CACNA2D3: variants seen among roughly 807,000 people sequenced by gnomAD.
CACNA2D3 encodes the protein voltage-dependent calcium channel subunit alpha-2/delta-3.
CACNA2D3 carries 60 observed loss-of-function variants against 160.6 expected under a neutral mutation model. That is an observed-to-expected ratio of 0.37 (90% CI 0.30 to 0.46). The LOEUF (loss-of-function observed/expected upper bound fraction) is 0.46. Among genes scored for constraint, CACNA2D3 ranks in the 20% least tolerant of loss-of-function variants. The pLI is 1.00. For missense variants in CACNA2D3, 1,205 were observed against 1,365.0 expected, an observed-to-expected ratio of 0.88 and a Z score of 1.85; for synonymous variants, 558 against 492.9, an observed-to-expected ratio of 1.13 and a Z score of -1.75.
intron 13 of CACNA2D3, among the ~76,000 whole-genome samples, chr3:54,812,684 G>A (rs1164884544): frequency 6.6e-6 from 1 of 152,160 alleles, no homozygotes; most frequent in Non-Finnish European, 1.5e-5. Context: ...AGTCCTTTGG[G>A]GGTGTAGGTT....
intron 13 of CACNA2D3, among the ~76,000 whole-genome samples, chr3:54,803,352 G>C (rs1703040170): frequency 6.6e-6 from 1 of 152,176 alleles, no homozygotes; most frequent in South Asian, 2.1e-4. Context: ...AACCAATACA[G>C]AGAAGTGCTT....
chr3:54,789,843 G>A (rs748244996), intron 13 of CACNA2D3: 1 of 517,324 alleles, frequency 1.9e-6, no homozygotes, highest in Admixed American at 1.9e-5. Flanking sequence ...ATGAGCTGGG[G>A]CTTGAGGGAT....
chr3:54,204,988 T>A (rs535838027), intron 2 of CACNA2D3, among the ~76,000 whole-genome samples: 1 of 151,986 alleles, frequency 6.6e-6, no homozygotes, highest in South Asian at 2.1e-4. Flanking sequence ...TGAAAAGTGA[T>A]TGCCATTATA....
intron 4 of CACNA2D3, among the ~76,000 whole-genome samples, chr3:54,400,497 C>T (rs1699437135): frequency 6.6e-6 from 1 of 152,126 alleles, no homozygotes; most frequent in Admixed American, 6.5e-5. Flanking sequence ...TCATCTAAGA[C>T]TCACCATTGT....
intron 14 of CACNA2D3, among the ~76,000 whole-genome samples, chr3:54,835,594 C>T (rs1559599662): frequency 1.3e-5 from 2 of 152,204 alleles, no homozygotes; most frequent in Admixed American, 6.5e-5. Context: ...TATAATGCCT[C>T]TTTCCAAGTA....
At chr3:54,876,389 T>C (rs981481107) in intron 18 of CACNA2D3, 1 of 152,160 alleles carries the variant, frequency 6.6e-6, no homozygotes, top group Non-Finnish European at 1.5e-5. Flanking sequence ...TATTAAGTCA[T>C]CAAACTCCCT....
intron 17 of CACNA2D3, among the ~76,000 whole-genome samples, chr3:54,863,823 A>T (rs889147606): frequency 3.3e-5 from 5 of 152,204 alleles, no homozygotes; most frequent in Non-Finnish European, 5.9e-5. Context: ...GAGATGCTTA[A>T]AAACATTAAT....
intron 8 of CACNA2D3, among the ~76,000 whole-genome samples, chr3:54,576,407 C>T (rs374032735): frequency 1.3e-5 from 2 of 152,178 alleles, no homozygotes; most frequent in African/African-American, 2.4e-5. Context: ...TTCCCCAAAA[C>T]GTTCTGGCCC....
chr3:54,299,373 C>G (rs1340641134), intron 2 of CACNA2D3, among the ~76,000 whole-genome samples: 1 of 152,226 alleles, frequency 6.6e-6, no homozygotes, highest in Non-Finnish European at 1.5e-5. Context: ...GCCACTCTCT[C>G]TTCTGTTGGC....
At chr3:54,811,800 C>A (rs1335845272) in intron 13 of CACNA2D3, among the ~76,000 whole-genome samples, 4 of 152,162 alleles carry the variant, frequency 2.6e-5, no homozygotes, top group Admixed American at 1.3e-4. Context: ...CATGCCCGGC[C>A]TCTGTCAGTT....
At chr3:54,848,411 T>C (rs1267668632) in intron 17 of CACNA2D3, among the ~76,000 whole-genome samples, 1 of 152,198 alleles carries the variant, frequency 6.6e-6, no homozygotes, top group Non-Finnish European at 1.5e-5. Flanking sequence ...GGCCATGCCA[T>C]ACATGGGGTG....
intron 5 of CACNA2D3, among the ~76,000 whole-genome samples, chr3:54,527,710 C>A (rs1329816783): frequency 6.6e-6 from 1 of 152,134 alleles, no homozygotes. Flanking sequence ...TGCTGATGAC[C>A]TGCCCCTCCT....
intron 11 of CACNA2D3, among the ~76,000 whole-genome samples, chr3:54,707,789 G>T (rs568051): frequency 0.82 from 125,272 of 152,050 alleles, 52,939 homozygotes; most frequent in Non-Finnish European, 0.92. Context: ...GGGAAATGAC[G>T]GCCTGAGTTT....
At chr3:55,007,893 T>C in intron 33 of CACNA2D3, 51 bp downstream of exon 33, 1 of 1,304,794 alleles carries the variant, frequency 7.7e-7, no homozygotes. Flanking sequence ...TTTTCCTTTT[T>C]GTATCATAAA....
chr3:54,359,969 A>G (rs559207194), intron 3 of CACNA2D3, among the ~76,000 whole-genome samples: 16 of 152,336 alleles, frequency 1.1e-4, no homozygotes, highest in Admixed American at 8.5e-4. Flanking sequence ...AAGGACATGT[A>G]TCAGGATGCC....
chr3:54,460,064 G>T (rs1219437743), intron 4 of CACNA2D3, among the ~76,000 whole-genome samples: 3 of 151,858 alleles, frequency 2.0e-5, no homozygotes, highest in Non-Finnish European at 4.4e-5. Context: ...TCTCAGGTTT[G>T]TCAAAGATCA....
At chr3:54,549,680 T>A (rs1702124368) in intron 5 of CACNA2D3, among the ~76,000 whole-genome samples, 1 of 152,242 alleles carries the variant, frequency 6.6e-6, no homozygotes, top group Admixed American at 6.5e-5. Flanking sequence ...AGTCTGCGGC[T>A]TCTATGTCTT....
chr3:54,498,956 A>T (rs977236505), intron 4 of CACNA2D3, among the ~76,000 whole-genome samples: 3 of 152,088 alleles, frequency 2.0e-5, no homozygotes, highest in Non-Finnish European at 4.4e-5. Context: ...ATTGATTTCT[A>T]AATTTAGCTC....
chr3:54,278,952 C>T (rs1259589066), intron 2 of CACNA2D3, among the ~76,000 whole-genome samples: 1 of 152,144 alleles, frequency 6.6e-6, no homozygotes. Context: ...CCTGCATGTT[C>T]TGCACATGTA....
Sources: allele counts gnomAD v4.1 joint callset (sites outside exome capture counted in the v4.1 genomes callset), GRCh38; gene constraint gnomAD v4.1.1; transcripts MANE v1.5; gene names NCBI Gene and HGNC (gene_info 2026-07-23, HGNC 2026-07-21).